The following LGR6 variants were observed in gnomAD, a reference collection of about 807,000 sequenced individuals.
The protein encoded by LGR6 is leucine-rich repeat-containing G protein-coupled receptor 6.
In LGR6, 45 loss-of-function variants were observed where a neutral mutation model predicts 69.4. The ratio of observed to expected loss-of-function variants is 0.65; its 90% CI spans 0.51 to 0.83. The LOEUF is 0.83. Among genes scored for constraint, LGR6 ranks in the 40% least tolerant of loss-of-function variants. The pLI is 0.00. For missense variants in LGR6, 1,108 were observed against 1,246.7 expected (o/e 0.89, Z 1.68); for synonymous variants, 538 against 555.0 (o/e 0.97, Z 0.43).
chr1:202,304,877 G>A (rs1667870312), intron 11 of LGR6, among the ~76,000 whole-genome samples: 1 of 152,090 alleles, frequency 6.6e-6, no homozygotes, highest in African/African-American at 2.4e-5. Flanking sequence ...CTATAACATG[G>A]GAGTCAATTT....
chr1:202,317,298 G>T (rs1310320958), intron 17 of LGR6, among the ~76,000 whole-genome samples: 4 of 151,728 alleles, frequency 2.6e-5, no homozygotes, highest in Non-Finnish European at 4.4e-5. Flanking sequence ...TCAATATCTG[G>T]GTTTGTACTG....
chr1:202,250,949 TAC>T (rs1283235858), intron 4 of LGR6, among the ~76,000 whole-genome samples: 5 of 152,198 alleles, frequency 3.3e-5, no homozygotes, highest in Admixed American at 2.0e-4. Flanking sequence ...CCCCTTCCTC[TAC>T]ATTCTTCCTC....
intron 4 of LGR6, among the ~76,000 whole-genome samples, chr1:202,247,751 G>A (rs539364388): frequency 6.6e-6 from 1 of 152,182 alleles, no homozygotes; most frequent in African/African-American, 2.4e-5. Context: ...CTGGCCTGGG[G>A]GCAGGAGAAA....
intron 5 of LGR6, among the ~76,000 whole-genome samples, chr1:202,278,052 G>A (rs568704820): frequency 1.3e-5 from 2 of 152,100 alleles, no homozygotes; most frequent in Non-Finnish European, 2.9e-5. Context: ...GACTTTCAAC[G>A]TCAGAACAGA....
At chr1:202,258,861 T>A (rs1664000039) in intron 4 of LGR6, among the ~76,000 whole-genome samples, 1 of 152,048 alleles carries the variant, frequency 6.6e-6, no homozygotes, top group Non-Finnish European at 1.5e-5. Context: ...AATGAACATA[T>A]TTATCTTGTT....
rs752552373 is a variant in LGR6, at chr1:202,300,851, G to T, written c.788G>T (p.Gly263Val). ...TGGTTCCTGGTGTTGTCTTCCAGGG[G>T]GTTCCATAACAACAACATCAAGGCC... ...IRTLGRLQEL[G>V]FHNNNIKAIP... is the part of the protein sequence containing the mutation. The change falls in exon 8 of 18, where the codon GGG becomes GTG. Residue 263 changes from glycine (G) to valine (V), a missense_variant and splice_region_variant. By Grantham distance (109) the Gly-to-Val change is moderately radical. Coordinates refer to ENST00000367278, the MANE Select transcript of LGR6 (RefSeq NM_001017403.2). 6.2e-7 allele frequency: 1 copy of T among 1,608,858 alleles called. No individual in the cohort carries two copies. Among genetic ancestry groups the T allele is most frequent in the South Asian group, 1.1e-5 (1 of 90,038 alleles).
chr1:202,198,293 T>TTACAAACA (rs1658712979), intron 1 of LGR6, among the ~76,000 whole-genome samples: 1 of 152,224 alleles, frequency 6.6e-6, no homozygotes, highest in Non-Finnish European at 1.5e-5. Context: ...ACTAACTATG[T>TTACAAACA]AACCCCCAGC....
intron 5 of LGR6, among the ~76,000 whole-genome samples, chr1:202,277,347 G>A (rs965737403): frequency 2.6e-5 from 4 of 151,622 alleles, no homozygotes; most frequent in African/African-American, 9.7e-5. Context: ...GCACCAATTT[G>A]TTTGTCTAAT....
chr1:202,257,424 A>G (rs1464075474), intron 4 of LGR6, among the ~76,000 whole-genome samples: 2 of 152,172 alleles, frequency 1.3e-5, no homozygotes, highest in Non-Finnish European at 2.9e-5. Flanking sequence ...TAAGGATTTA[A>G]CAGTTTTAGG....
At chr1:202,219,773 T>C (rs1660024142) in intron 1 of LGR6, among the ~76,000 whole-genome samples, 1 of 152,214 alleles carries the variant, frequency 6.6e-6, no homozygotes, top group Non-Finnish European at 1.5e-5. Flanking sequence ...AAGAAACACA[T>C]AGTCATCTGT....
At chr1:202,204,213 GCACACACACACACCTCCA>G (rs1259894315) in intron 1 of LGR6, among the ~76,000 whole-genome samples, 8 of 140,764 alleles carry the variant, frequency 5.7e-5, no homozygotes, top group East Asian at 2.1e-4. Context: ...CCTCCTTCAA[GCACACACACACACCTCCA>G]CACACACACA....
intron 6 of LGR6, among the ~76,000 whole-genome samples, chr1:202,286,296 T>A (rs1394321445): frequency 6.6e-6 from 1 of 152,186 alleles, no homozygotes; most frequent in Non-Finnish European, 1.5e-5. Context: ...TCCAGATGAA[T>A]CTCGCAAATT....
At chr1:202,232,799 C>T (rs11799896) in intron 3 of LGR6, among the ~76,000 whole-genome samples, 4 of 152,168 alleles carry the variant, frequency 2.6e-5, no homozygotes, top group South Asian at 2.1e-4. Context: ...AGCATTGGCC[C>T]GAGAGACAGG....
intron 4 of LGR6, among the ~76,000 whole-genome samples, chr1:202,250,473 T>C (rs946562860): frequency 6.6e-6 from 1 of 152,060 alleles, no homozygotes; most frequent in Non-Finnish European, 1.5e-5. Flanking sequence ...TGGTGCAGTC[T>C]TGGCTCACCG....
At chr1:202,308,948 C>T in intron 14 of LGR6, 103 bp from the exon 15 acceptor site, 1 of 1,403,852 alleles carries the variant, frequency 7.1e-7, no homozygotes, top group Non-Finnish European at 9.8e-7. Context: ...TTGCTCCTCT[C>T]CTCTTGCTTC....
chr1:202,273,735 C>T (rs1038214836), intron 4 of LGR6, among the ~76,000 whole-genome samples: 9 of 152,058 alleles, frequency 5.9e-5, no homozygotes, highest in Admixed American at 4.6e-4. Flanking sequence ...GGATTACAGG[C>T]GTGAGCTACC....
chr1:202,293,268 G>A (rs940864237), intron 6 of LGR6, among the ~76,000 whole-genome samples: 1 of 152,072 alleles, frequency 6.6e-6, no homozygotes, highest in Non-Finnish European at 1.5e-5. Context: ...TTCCAAACAC[G>A]ACTCCACAGC....
In LGR6 at chr1:202,194,004, G is replaced by A. The variant is rs1338785909; in HGVS notation, c.15G>A (p.Pro5=). Residue 5 remains proline, a synonymous_variant, in exon 1 of 18, where the codon CCG becomes CCA. Transcript: ENST00000367278. ...CGACCGCCGAGATGCCCAGCCCGCC[G>A]GGGCTCCGGGCGCTATGGCTTTGCG... MPSP[P]GLRALWLCAA... The A allele has an allele frequency of 2.3e-5, 32 of 1,374,264 alleles. No individual in the cohort carries two copies. Among genetic ancestry groups the A allele is most frequent in the African/African-American group, 2.0e-4 (13 of 65,586 alleles). 85.1% of individuals were successfully genotyped at this position (1,374,264 alleles called of 1,614,324 possible). A position where few individuals can be genotyped will look rare whatever the true frequency, so the allele number is the denominator to read the frequency against.
intron 4 of LGR6, among the ~76,000 whole-genome samples, chr1:202,238,538 C>G (rs1467926662): frequency 6.6e-6 from 1 of 151,586 alleles, no homozygotes; most frequent in African/African-American, 2.4e-5. Flanking sequence ...ATTCTCCTGC[C>G]TCAGCCTCCC....
Sources: gnomAD v4.1 joint callset for allele counts (sites outside exome capture counted in the v4.1 genomes callset) on GRCh38, gnomAD v4.1.1 for gene constraint, MANE v1.5 for transcripts, NCBI Gene and HGNC (gene_info 2026-07-23, HGNC 2026-07-21) for gene names.